MYH3: variants seen among roughly 807,000 people sequenced by gnomAD.
MYH3 encodes the protein myosin-3.
MYH3 carries 130 observed loss-of-function variants against 238.0 expected under a neutral mutation model. The observed-to-expected ratio is 0.55, with a 90% CI of 0.47 to 0.63. The LOEUF (loss-of-function observed/expected upper bound fraction) is 0.63. Among genes scored for constraint, MYH3 ranks in the 30% least tolerant of loss-of-function variants. The probability of loss-of-function intolerance (pLI) is 0.00; values close to 1 mark genes in which losing one functional copy is unlikely to be tolerated. For synonymous variants in MYH3, 880 were observed against 924.1 expected (o/e 0.95, Z 0.86); for missense variants, 1,853 against 2,374.9 (o/e 0.78, Z 4.57).
At chr17:10,664,689 C>T in the MYH3 span, among the ~76,000 whole-genome samples, 3 of 152,108 alleles carry the variant, frequency 2.0e-5, no homozygotes, top group South Asian at 2.1e-4. Flanking sequence ...AAAAAGGAGA[C>T]GACCCCGTAT....
At chr17:10,661,070 A>T (rs1157945964), upstream of MYH3, among the ~76,000 whole-genome samples, 1 of 151,318 alleles carries the variant, frequency 6.6e-6, no homozygotes. Flanking sequence ...TCCACCTCCC[A>T]GGTTCAAGCA....
chr17:10,644,291 C>T (rs910493973), intron 14 of MYH3, 60 bp downstream of exon 14: 1 of 1,567,348 alleles, frequency 6.4e-7, no homozygotes, highest in African/African-American at 1.4e-5. Flanking sequence ...CCTTTAGGAT[C>T]ATGAAACCAA....
chr17:10,629,965 T>C (rs1372534861), intron 38 of MYH3, 28 bp from the exon 39 acceptor site: 6 of 1,612,854 alleles, frequency 3.7e-6, no homozygotes, highest in Non-Finnish European at 4.2e-6. Context: ...GGAATGTCAC[T>C]GGAGAGGAGG....
At chr17:10,658,152 G>A (rs1038556038), upstream of MYH3, among the ~76,000 whole-genome samples, 11 of 152,158 alleles carry the variant, frequency 7.2e-5, no homozygotes, top group South Asian at 2.1e-4. Flanking sequence ...CGGACAAGGG[G>A]GGGCTGTCTA....
At chr17:10,647,964 G>A (rs762618686) in intron 8 of MYH3, among the ~76,000 whole-genome samples, 10 of 151,894 alleles carry the variant, frequency 6.6e-5, no homozygotes, top group East Asian at 1.9e-4. Context: ...CCACTTCAAC[G>A]TATCTAGTCA....
At chr17:10,656,537 C>CAAAAAAAA (rs71139057) in intron 1 of MYH3, among the ~76,000 whole-genome samples, 4 of 55,900 alleles carry the variant, frequency 7.2e-5, no homozygotes, top group African/African-American at 2.0e-4. Context: ...AATTCTGTCT[C>CAAAAAAAA]AAAAAAAAAA....
intron 5 of MYH3, 34 bp downstream of exon 5, chr17:10,651,478 T>A (rs2074373692): frequency 6.2e-7 from 1 of 1,612,222 alleles, no homozygotes; most frequent in South Asian, 1.1e-5. Context: ...CAGTGCCTGC[T>A]CCAGCATCCC....
rs1247981550 is a variant in MYH3, at chr17:10,630,010, G to A, written c.5563-73C>T. On this transcript the variant is annotated intron_variant, in intron 38 of 40. Transcript: ENST00000583535. ...TGCACACGGCATGGGCAGCTTTCTG[G>A]GCCAAAGTGTTTCTTCCTGTGGTTT... The A allele has an allele frequency of 2.5e-6, 4 of 1,604,518 alleles. No individual in the cohort carries two copies. In the East Asian group the frequency reaches 8.9e-5, roughly 36 times the overall value.
At position 10,640,037 on chromosome 17, in the gene MYH3, G is replaced by T; in HGVS notation, c.2641C>A (p.Leu881Met). The change falls in exon 22 of 41, where the codon CTG becomes ATG. Residue 881 changes from leucine to methionine, a missense_variant. Transcript: ENST00000583535. ...TGCAGGTCATTCTTCTCTTGGACCA[G>T]AGTCACCAGTTTTTCCTCTAGCTCC... is the stretch of plus-strand genomic sequence containing the variant. ...RKELEEKLVT[L>M]VQEKNDLQLQ... 1 of 1,613,830 alleles carries T rather than the reference G, an allele frequency of 6.2e-7. No individual in the cohort carries two copies. The highest frequency in any genetic ancestry group is 8.5e-7 in the Non-Finnish European group (1 of 1,180,014).
rs760805440 is a variant in MYH3, at chr17:10,638,224, G to A, written c.3548C>T (p.Thr1183Ile). The change falls in exon 27 of 41, where the codon ACA becomes ATA. Residue 1183 changes from threonine (T) to isoleucine (I), a missense_variant. Coordinates refer to ENST00000583535, the MANE Select transcript of MYH3 (RefSeq NM_002470.4). ...LKLRRDLEEA[T>I]LQHEAMVAAL... ...GGCCACCATGGCTTCGTGCTGCAGT[G>A]TGGCCTCCTCCAGGTCCCTGCGCAG... The A allele has an allele frequency of 1.9e-6, 3 of 1,613,846 alleles. 1 individual carries two copies. In the South Asian group the frequency reaches 3.3e-5, roughly 18 times the overall value.
rs2285467 is a variant in MYH3 at position 10,651,704 on chromosome 17, T to C, written c.349-36A>G. On this transcript the variant is annotated intron_variant, in intron 4 of 40. Transcript: ENST00000583535. ...AAAAACATATACGTGCGTATATGTA[T>C]GTATGTGCATATGGAAAACCCCTTG... is the stretch of plus-strand genomic sequence containing the variant. 212,702 of 1,605,336 alleles carry C rather than the reference T, an allele frequency of 0.13. 14,728 individuals are homozygous for C. The highest frequency in any genetic ancestry group is 0.15 in the Middle Eastern group (881 of 6,036).
upstream of MYH3, among the ~76,000 whole-genome samples, chr17:10,660,702 C>A (rs1200680480): frequency 2.0e-5 from 3 of 149,900 alleles, no homozygotes; most frequent in Non-Finnish European, 3.0e-5. Context: ...TCTATCCAGC[C>A]GGGCATGGTG....
intron 10 of MYH3, 109 bp downstream of exon 10, chr17:10,647,072 TA>T: frequency 1.2e-6 from 1 of 861,126 alleles, no homozygotes; most frequent in Non-Finnish European, 1.9e-6. Flanking sequence ...TAAAATAAAA[TA>T]AACTTTCCCT....
At chr17:10,652,202 C>T (rs910125485) in intron 4 of MYH3, 43 of 647,470 alleles carry the variant, frequency 6.6e-5, no homozygotes, top group African/African-American at 8.9e-5. Flanking sequence ...CCAGCTTCCC[C>T]GCTCTCCGGC....
At chr17:10,644,830 C>T in intron 12 of MYH3, 128 bp from the exon 13 acceptor site, 1 of 757,504 alleles carries the variant, frequency 1.3e-6, no homozygotes, top group Non-Finnish European at 2.3e-6. Flanking sequence ...ACTGCATATA[C>T]ATGGCCAATG....
the MYH3 span, among the ~76,000 whole-genome samples, chr17:10,663,472 G>A: frequency 1.3e-5 from 2 of 152,154 alleles, no homozygotes; most frequent in Admixed American, 1.3e-4. Flanking sequence ...GGTGCAAGAA[G>A]GCATCCTCAG....
chr17:10,652,609 CTTTTTTTTTTTT>C lies in MYH3; in HGVS notation c.205-58_205-47del, dbSNP rs149916956. The C allele has an allele frequency of 1.3e-4, 56 of 427,916 alleles. 1 individual carries two copies. The highest frequency in any genetic ancestry group is 7.4e-4 in the Middle Eastern group (1 of 1,352). The allele number at this position is 427,916 out of a possible 1,614,324, so 26.5% of individuals were successfully genotyped here. A position where few individuals can be genotyped will look rare whatever the true frequency, so the allele number is the denominator to read the frequency against. On this transcript the variant is annotated intron_variant, in intron 3 of 40. Coordinates refer to ENST00000583535, the MANE Select transcript of MYH3 (RefSeq NM_002470.4). Reference sequence around the variant, plus strand: ...TGCTTCACTAAGATGGTCTGCACGTCTTTTTTTTTTTTTTTTTTTTTTTTTTTTTTGAGACGG... The same window carrying C: ...TGCTTCACTAAGATGGTCTGCACGTCTTTTTTTTTTTTTTTTTTGAGACGG...
rs1157280212 is a variant in MYH3 at position 10,630,455 on chromosome 17, C to A, written c.5290G>T (p.Ala1764Ser). Reference protein sequence around the residue: ...EKAKKAITDAAMMAEELKKEQ... With the variant: ...EKAKKAITDASMMAEELKKEQ... ...TTCTTCAGCTCCTCCGCCATCATGGCAGCCTGAAAAGCACATGGGACTTGC... is the reference window on the plus strand; with the variant it reads ...TTCTTCAGCTCCTCCGCCATCATGGAAGCCTGAAAAGCACATGGGACTTGC... The change falls in exon 37 of 41, where the codon GCC becomes TCC. Residue 1764 changes from alanine to serine, a missense_variant. Transcript: ENST00000583535. 1 of 1,614,104 alleles carries A rather than the reference C, an allele frequency of 6.2e-7. No individual in the cohort carries two copies. Among genetic ancestry groups the A allele is most frequent in the Admixed American group, 1.7e-5 (1 of 60,012 alleles).
chr17:10,669,721 T>G, the MYH3 span, among the ~76,000 whole-genome samples: 2 of 151,978 alleles, frequency 1.3e-5, no homozygotes, highest in Admixed American at 1.3e-4. Context: ...CCTGGCAACA[T>G]AGCCAGACCC....
Sources: allele counts gnomAD v4.1 joint callset (sites outside exome capture counted in the v4.1 genomes callset), GRCh38; gene constraint gnomAD v4.1.1; transcripts MANE v1.5; gene names NCBI Gene and HGNC (gene_info 2026-07-23, HGNC 2026-07-21).